Variants in UNC5C observed in about 807,000 individuals in gnomAD.
The protein encoded by UNC5C is netrin receptor UNC5C.
UNC5C carries 47 observed loss-of-function variants against 99.8 expected under a neutral mutation model. That is an observed-to-expected ratio of 0.47 (90% CI 0.37 to 0.60). UNC5C has a LOEUF of 0.60. UNC5C is among the 20% of genes least tolerant of loss of function. The pLI is 0.00. For synonymous variants in UNC5C, 487 were observed against 452.2 expected (o/e 1.08, Z -0.98); for missense variants, 1,062 against 1,165.9 (o/e 0.91, Z 1.30).
At chr4:95,207,252 A>T (rs1322289818) in intron 10 of UNC5C, among the ~76,000 whole-genome samples, 1 of 152,202 alleles carries the variant, frequency 6.6e-6, no homozygotes, top group Non-Finnish European at 1.5e-5. Context: ...TTTCAGAATG[A>T]GGACACTCTA....
At chr4:95,417,100 C>CA (rs1355255833) in intron 1 of UNC5C, among the ~76,000 whole-genome samples, 1 of 152,130 alleles carries the variant, frequency 6.6e-6, no homozygotes, top group Non-Finnish European at 1.5e-5. Flanking sequence ...GTTTGTTGAA[C>CA]AAAAAACTGG....
chr4:95,544,348 C>A (rs756806714), intron 1 of UNC5C, among the ~76,000 whole-genome samples: 2 of 152,132 alleles, frequency 1.3e-5, no homozygotes, highest in African/African-American at 2.4e-5. Context: ...AATGCTGTTG[C>A]AACGCAAACT....
At chr4:95,314,460 T>C (rs1742397328) in intron 2 of UNC5C, among the ~76,000 whole-genome samples, 1 of 152,210 alleles carries the variant, frequency 6.6e-6, no homozygotes, top group South Asian at 2.1e-4. Context: ...TCTACTTATT[T>C]TGACAACCAC....
intron 1 of UNC5C, among the ~76,000 whole-genome samples, chr4:95,404,953 G>A (rs1579388110): frequency 6.6e-6 from 1 of 152,090 alleles, no homozygotes; most frequent in Non-Finnish European, 1.5e-5. Flanking sequence ...TGGGAGGCCC[G>A]ACTCCTGTGG....
chr4:95,539,181 A>T (rs1722852544), intron 1 of UNC5C, among the ~76,000 whole-genome samples: 1 of 152,128 alleles, frequency 6.6e-6, no homozygotes, highest in African/African-American at 2.4e-5. Context: ...TGAAGAAAGG[A>T]TTTTACTCCT....
rs1156755120 is a variant in UNC5C, at chr4:95,202,818, C to T, written c.2049G>A (p.Lys683=). 6.2e-7 allele frequency: 1 copy of T among 1,614,256 alleles called. No individual in the cohort carries two copies. Among genetic ancestry groups the T allele is most frequent in the Non-Finnish European group, 8.5e-7 (1 of 1,180,052 alleles). Residue 683 remains lysine (K), a synonymous_variant, in exon 12 of 16, where the codon AAG becomes AAA. Coordinates refer to ENST00000453304, the MANE Select transcript of UNC5C (RefSeq NM_003728.4). The part of the protein sequence containing the change: ...STTKAAAKRL[K]LAIFGPLCCS... Reference sequence around the variant, plus strand: ...AGCACAGGGGCCCAAAGATGGCCAGCTTGAGGCGCTTCGCAGCCGCTTTGG... The same window carrying T: ...AGCACAGGGGCCCAAAGATGGCCAGTTTGAGGCGCTTCGCAGCCGCTTTGG...
chr4:95,348,157 T>A (rs768727190), intron 1 of UNC5C, among the ~76,000 whole-genome samples: 3 of 152,032 alleles, frequency 2.0e-5, no homozygotes, highest in Non-Finnish European at 4.4e-5. Context: ...TATGCAAAGG[T>A]GCTCAACATC....
chr4:95,320,185 G>A (rs1209261722), intron 2 of UNC5C, among the ~76,000 whole-genome samples: 1 of 152,096 alleles, frequency 6.6e-6, no homozygotes, highest in Non-Finnish European at 1.5e-5. Flanking sequence ...ACTTTGGGAG[G>A]CCAAGGTGGG....
intron 1 of UNC5C, among the ~76,000 whole-genome samples, chr4:95,517,249 C>G (rs1560491610): frequency 6.6e-6 from 1 of 152,152 alleles, no homozygotes; most frequent in Non-Finnish European, 1.5e-5. Flanking sequence ...TCCCTGCTTC[C>G]TCCAAATACA....
intron 1 of UNC5C, among the ~76,000 whole-genome samples, chr4:95,516,419 T>G (rs1722221428): frequency 6.6e-6 from 1 of 152,156 alleles, no homozygotes; most frequent in Non-Finnish European, 1.5e-5. Context: ...GAGCACTGAG[T>G]GTCCAATGAA....
rs775225590 is a variant in UNC5C at position 95,362,204 on chromosome 4, C to T, written c.125-26573G>A. On this transcript the variant is annotated intron_variant, in intron 1 of 15. Transcript: ENST00000453304. ...TCTTGTTTTGAAAAAGAAACCTCTTCCACCCTCTTAGGCCACGTGGTTCGG... is the reference window on the plus strand; with the variant it reads ...TCTTGTTTTGAAAAAGAAACCTCTTTCACCCTCTTAGGCCACGTGGTTCGG... Among the ~76,000 whole-genome samples the T allele has an allele frequency of 6.6e-5, 10 of 152,080 alleles. No homozygotes were observed. The South Asian group carries it at 1.2e-3, about 19-fold the overall frequency.
chr4:95,320,784 CAT>C (rs750187379), intron 2 of UNC5C, among the ~76,000 whole-genome samples: 8 of 152,216 alleles, frequency 5.3e-5, no homozygotes, highest in Non-Finnish European at 8.8e-5. Context: ...AAAACACACA[CAT>C]GTGTGTCTGT....
At chr4:95,452,026 A>G (rs932384317) in intron 1 of UNC5C, among the ~76,000 whole-genome samples, 1 of 152,202 alleles carries the variant, frequency 6.6e-6, no homozygotes, top group South Asian at 2.1e-4. Context: ...AACCTTTTAA[A>G]GCAAATATTT....
At chr4:95,391,534 A>G (rs1745358567) in intron 1 of UNC5C, among the ~76,000 whole-genome samples, 1 of 152,148 alleles carries the variant, frequency 6.6e-6, no homozygotes, top group Non-Finnish European at 1.5e-5. Context: ...AGAAAATCAG[A>G]TATCTGTCAT....
chr4:95,245,215 C>A, intron 5 of UNC5C, 71 bp from the exon 6 acceptor site: 1 of 1,446,930 alleles, frequency 6.9e-7, no homozygotes, highest in Non-Finnish European at 9.2e-7. Context: ...ACACACAAAA[C>A]AGACACAATA....
intron 1 of UNC5C, among the ~76,000 whole-genome samples, chr4:95,541,741 G>C (rs921503263): frequency 6.6e-6 from 1 of 151,840 alleles, no homozygotes; most frequent in African/African-American, 2.4e-5. Context: ...CTGGACTGTA[G>C]ATGCATTTTA....
At chr4:95,480,905 C>G (rs993020442) in intron 1 of UNC5C, among the ~76,000 whole-genome samples, 20 of 151,588 alleles carry the variant, frequency 1.3e-4, no homozygotes, top group Non-Finnish European at 2.2e-4. Context: ...CAATATCACA[C>G]TGAATGGGCA....
At chr4:95,442,371 T>TG (rs1481667712) in intron 1 of UNC5C, among the ~76,000 whole-genome samples, 3 of 119,320 alleles carry the variant, frequency 2.5e-5, no homozygotes, top group African/African-American at 1.2e-4. Context: ...CCCAGCTAAT[T>TG]TTTTTTTTTT....
At chr4:95,327,443 A>G (rs1742931157) in intron 2 of UNC5C, among the ~76,000 whole-genome samples, 1 of 152,098 alleles carries the variant, frequency 6.6e-6, no homozygotes. Context: ...AAGTCCCTTT[A>G]TCACCCCAGA....
Sources: allele counts gnomAD v4.1 joint callset (sites outside exome capture counted in the v4.1 genomes callset), GRCh38; gene constraint gnomAD v4.1.1; transcripts MANE v1.5; gene names NCBI Gene and HGNC (gene_info 2026-07-23, HGNC 2026-07-21).